Variants in NECAB2 observed in about 807,000 individuals in gnomAD.
The protein encoded by NECAB2 is N-terminal EF-hand calcium-binding protein 2.
Under a neutral mutation model 51.9 loss-of-function variants are expected in NECAB2, and 68 were observed. That is an observed-to-expected ratio of 1.31 (90% CI 1.08 to 1.60). The LOEUF is 1.60. NECAB2 is among the 40% of genes most tolerant of loss of function. The pLI, the probability that NECAB2 is intolerant of heterozygous loss-of-function variation, is 0.00. For missense variants in NECAB2, 854 were observed against 490.3 expected (o/e 1.74, Z -7.00); for synonymous variants, 329 against 203.5 (o/e 1.62, Z -5.25).
chr16:84,001,881 G>T lies in NECAB2; in HGVS notation c.1097G>T (p.Ser366Ile). The T allele has an allele frequency of 6.2e-7, 1 of 1,614,106 alleles. No individual in the cohort carries two copies. The highest frequency in any genetic ancestry group is 8.5e-7 in the Non-Finnish European group (1 of 1,179,946). Residue 366 changes from serine to isoleucine, a missense_variant, in exon 12 of 13, where the codon AGC becomes ATC. Ser to Ile is a moderately radical substitution (Grantham distance 142). Transcript: ENST00000305202. Reference sequence around the variant, plus strand: ...CGGCACGTCAAGGTGGACACACTGAGCCAGCCTGAGGCCCTCTCCAGGATC... The same window carrying T: ...CGGCACGTCAAGGTGGACACACTGATCCAGCCTGAGGCCCTCTCCAGGATC... ...AFRHVKVDTLSQPEALSRILV... is the reference protein window; with the variant it reads ...AFRHVKVDTLIQPEALSRILV...
rs528858736 is a variant in NECAB2 at position 83,989,368 on chromosome 16, T to A, written c.460-1126T>A. ...GCCCACCTTCACCACGCCTTAGCTG[T>A]CTTCTCATGTGCCCCTCCTCCTCCT... is the stretch of plus-strand genomic sequence containing the variant. On this transcript the variant is annotated intron_variant, in intron 5 of 12. Transcript: ENST00000305202. Among the ~76,000 whole-genome samples, 112 of 152,310 alleles carry A rather than the reference T, an allele frequency of 7.4e-4. 4 individuals are homozygous for A. In the South Asian group the frequency reaches 0.023, roughly 31 times the overall value.
intron 5 of NECAB2, among the ~76,000 whole-genome samples, chr16:83,983,409 C>G (rs758372767): frequency 2.6e-5 from 4 of 152,132 alleles, no homozygotes; most frequent in Non-Finnish European, 4.4e-5. Flanking sequence ...TGTTTGGCTC[C>G]TGATTTTCGA....
At chr16:83,990,345 G>T (rs951119372) in intron 5 of NECAB2, 149 bp from the exon 6 acceptor site, 1 of 1,017,628 alleles carries the variant, frequency 9.8e-7, no homozygotes, top group African/African-American at 1.6e-5. Context: ...CAGCCTCTAA[G>T]ACTGGACCCC....
At position 83,997,231 on chromosome 16, in the gene NECAB2, C is replaced by T. The variant is rs781126518; in HGVS notation, c.811C>T (p.Leu271=). 30 of 1,614,036 alleles carry T rather than the reference C, an allele frequency of 1.9e-5. No individual in the cohort carries two copies. The highest frequency in any genetic ancestry group is 2.7e-5 in the African/African-American group (2 of 74,908). Residue 271 remains leucine, a synonymous_variant, in exon 9 of 13, where the codon CTG becomes TTG. Coordinates refer to ENST00000305202, the MANE Select transcript of NECAB2 (RefSeq NM_019065.3). ...ATTGTTTCAGGCACTGTGGTTCGAC[C>T]TGCAGCAGCGCCTGTCAGATGAAGA... The part of the protein sequence containing the change: ...RLESKALWFD[L]QQRLSDEDGT...
At chr16:83,997,334 C>A in intron 9 of NECAB2, 65 bp downstream of exon 9, 1 of 1,601,024 alleles carries the variant, frequency 6.2e-7, no homozygotes. Context: ...TGCCAAGATC[C>A]AAGTGGCTCA....
chr16:83,967,849 G>C (rs368969802), upstream of NECAB2, among the ~76,000 whole-genome samples: 23 of 150,944 alleles, frequency 1.5e-4, 1 homozygote, highest in East Asian at 2.0e-3. Flanking sequence ...ATGCTGGGTG[G>C]GTGGATGGAT....
At chr16:83,972,552 G>A (rs181861141) in intron 2 of NECAB2, among the ~76,000 whole-genome samples, 6 of 152,210 alleles carry the variant, frequency 3.9e-5, no homozygotes, top group African/African-American at 7.2e-5. Flanking sequence ...CCAGCCTCAC[G>A]CTAGGCCCTT....
chr16:84,000,462 AAC>A (rs1303799710), intron 10 of NECAB2, among the ~76,000 whole-genome samples: 1 of 152,188 alleles, frequency 6.6e-6, no homozygotes, highest in Non-Finnish European at 1.5e-5. Flanking sequence ...CAGCCTGGGC[AAC>A]AGAGTGAGAC....
chr16:84,001,750 C>G (rs1189878368), intron 11 of NECAB2, 75 bp from the exon 12 acceptor site: 23 of 1,524,792 alleles, frequency 1.5e-5, no homozygotes, highest in Non-Finnish European at 2.0e-5. Flanking sequence ...TGGGCTAGAG[C>G]TAGGATTAAC....
At chr16:83,989,336 T>A (rs11861192) in intron 5 of NECAB2, among the ~76,000 whole-genome samples, 46,899 of 152,146 alleles carry the variant, frequency 0.31, 13,706 homozygotes, top group African/African-American at 0.78. Context: ...GCTTGGTGGC[T>A]TGGGTCGCCC....
At chr16:83,990,684 G>C in intron 6 of NECAB2, 54 bp downstream of exon 6, 1 of 1,593,080 alleles carries the variant, frequency 6.3e-7, no homozygotes, top group Non-Finnish European at 8.6e-7. Context: ...GCACGCGCAC[G>C]TGCCCACCTG....
chr16:84,001,243 G>T (rs577755611), intron 11 of NECAB2, among the ~76,000 whole-genome samples: 1 of 151,982 alleles, frequency 6.6e-6, no homozygotes, highest in Non-Finnish European at 1.5e-5. Flanking sequence ...CAGCTCTGAT[G>T]GGCCTTAGGC....
intron 2 of NECAB2, among the ~76,000 whole-genome samples, chr16:83,974,467 G>A (rs1320782650): frequency 1.3e-5 from 2 of 152,176 alleles, no homozygotes; most frequent in Non-Finnish European, 2.9e-5. Flanking sequence ...CTTGTCCAGA[G>A]GGGTTTGATT....
chr16:83,973,979 C>T (rs952963205), intron 2 of NECAB2, among the ~76,000 whole-genome samples: 4 of 152,048 alleles, frequency 2.6e-5, no homozygotes, highest in East Asian at 1.9e-4. Context: ...CTGGCCCCCT[C>T]GGGCACAGAT....
chr16:83,965,374 T>A, upstream of NECAB2: 1 of 1,569,888 alleles, frequency 6.4e-7, no homozygotes, highest in Non-Finnish European at 8.6e-7. Flanking sequence ...TCATCCACCA[T>A]GAGCTGTCTG....
chr16:83,984,295 G>A (rs1248188090), intron 5 of NECAB2, among the ~76,000 whole-genome samples: 1 of 151,762 alleles, frequency 6.6e-6, no homozygotes, highest in African/African-American at 2.4e-5. Flanking sequence ...GCGCCCGGCG[G>A]AATATTTTTA....
upstream of NECAB2, chr16:83,965,804 G>C: frequency 6.2e-7 from 1 of 1,613,044 alleles, no homozygotes; most frequent in Non-Finnish European, 8.5e-7. Context: ...GGCAGGGGCT[G>C]ACTTTGCAGT....
intron 4 of NECAB2, 38 bp downstream of exon 4, chr16:83,980,902 C>T (rs1597205092): frequency 6.2e-7 from 1 of 1,613,426 alleles, no homozygotes; most frequent in South Asian, 1.1e-5. Flanking sequence ...GATGGGGATG[C>T]TGGGATGGGG....
chr16:83,975,302 G>A (rs1798326938), intron 2 of NECAB2, among the ~76,000 whole-genome samples: 1 of 151,348 alleles, frequency 6.6e-6, no homozygotes. Context: ...GTGCAGGGAT[G>A]AGAGCAGGTG....
Sources: allele counts gnomAD v4.1 joint callset (sites outside exome capture counted in the v4.1 genomes callset), GRCh38; gene constraint gnomAD v4.1.1; transcripts MANE v1.5; gene names NCBI Gene and HGNC (gene_info 2026-07-23, HGNC 2026-07-21).